The following GABRG3 variants were observed in gnomAD, a reference collection of about 807,000 sequenced individuals.
GABRG3 encodes gamma-aminobutyric acid type A receptor subunit gamma3.
A neutral mutation model predicts 48.8 loss-of-function variants in GABRG3; 25 were observed. That is an observed-to-expected ratio of 0.51 (90% CI 0.37 to 0.72). GABRG3 has a LOEUF of 0.72. Ranked by LOEUF, GABRG3 falls within the 30% of genes least tolerant of loss-of-function variation. GABRG3 has a pLI of 0.00. For synonymous variants in GABRG3, 227 were observed against 217.6 expected, an observed-to-expected ratio of 1.04 and a Z score of -0.38; for missense variants, 394 against 577.9, an observed-to-expected ratio of 0.68 and a Z score of 3.26.
intron 5 of GABRG3, among the ~76,000 whole-genome samples, chr15:27,339,761 G>A (rs1312976974): frequency 6.6e-6 from 1 of 152,204 alleles, no homozygotes; most frequent in African/African-American, 2.4e-5. Context: ...CTTTAGTGAC[G>A]TAATTTGTTC....
intron 5 of GABRG3, among the ~76,000 whole-genome samples, chr15:27,388,338 AGGT>A (rs1262057060): frequency 7.0e-5 from 3 of 42,664 alleles, no homozygotes; most frequent in African/African-American, 2.2e-4. Context: ...AAGGAAGGAA[AGGT>A]GGGAGGGAGG....
chr15:27,218,246 T>A (rs1236502469), intron 3 of GABRG3, among the ~76,000 whole-genome samples: 2 of 152,124 alleles, frequency 1.3e-5, no homozygotes, highest in African/African-American at 4.8e-5. Context: ...CTGTCCAGCC[T>A]CAGCCTCCCA....
chr15:27,305,664 T>A (rs1281024076), intron 3 of GABRG3, among the ~76,000 whole-genome samples: 2 of 120,474 alleles, frequency 1.7e-5, no homozygotes, highest in Non-Finnish European at 3.4e-5. Context: ...ACATATATAA[T>A]ATAAACCTAT....
intron 3 of GABRG3, among the ~76,000 whole-genome samples, chr15:27,209,901 TTCCTC>T (rs1889017436): frequency 6.6e-6 from 1 of 152,180 alleles, no homozygotes; most frequent in African/African-American, 2.4e-5. Flanking sequence ...CACACGGTCT[TTCCTC>T]TGCACGTGCA....
rs117897252 is a variant in GABRG3 at position 27,435,385 on chromosome 15, T to C, written c.575-45265T>C. On this transcript the variant is annotated intron_variant, in intron 5 of 9. Transcript: ENST00000615808. ...CTCTTGCAACTACTGAACTCTGCCA[T>C]TGTAGTGTATGTGTAAATAAATAAA... Among the ~76,000 whole-genome samples the C allele has an allele frequency of 2.0e-4, 31 of 152,166 alleles. No homozygotes were observed. In the East Asian group the frequency reaches 5.4e-3, roughly 27 times the overall value.
chr15:27,237,587 G>A (rs1890013145), intron 3 of GABRG3, among the ~76,000 whole-genome samples: 1 of 152,210 alleles, frequency 6.6e-6, no homozygotes, highest in South Asian at 2.1e-4. Flanking sequence ...GTTAGGAAAG[G>A]TGACCACGGC....
At chr15:27,231,068 A>G (rs1889782790) in intron 3 of GABRG3, among the ~76,000 whole-genome samples, 1 of 151,766 alleles carries the variant, frequency 6.6e-6, no homozygotes, top group East Asian at 1.9e-4. Flanking sequence ...CTAATATTAA[A>G]GGAAATTCAA....
intron 6 of GABRG3, among the ~76,000 whole-genome samples, chr15:27,492,589 T>A (rs568516319): frequency 6.6e-6 from 1 of 152,370 alleles, no homozygotes; most frequent in Non-Finnish European, 1.5e-5. Context: ...GAGGCCCCAG[T>A]GTATTCCAGG....
At chr15:27,489,237 C>T (rs1032580555) in intron 6 of GABRG3, among the ~76,000 whole-genome samples, 1 of 152,172 alleles carries the variant, frequency 6.6e-6, no homozygotes, top group Non-Finnish European at 1.5e-5. Context: ...CATAGTATTC[C>T]ATGGTGTATA....
chr15:27,397,817 T>G (rs2140583488), intron 5 of GABRG3, among the ~76,000 whole-genome samples: 1 of 151,296 alleles, frequency 6.6e-6, no homozygotes, highest in Admixed American at 6.6e-5. Context: ...TTTTTTTTTT[T>G]TTTTTGAGAC....
intron 3 of GABRG3, among the ~76,000 whole-genome samples, chr15:27,187,436 G>A (rs192005225): frequency 1.3e-5 from 2 of 152,192 alleles, no homozygotes; most frequent in African/African-American, 4.8e-5. Flanking sequence ...ATCTAATTCT[G>A]TGAAGAAAAT....
intron 3 of GABRG3, among the ~76,000 whole-genome samples, chr15:27,290,915 G>A (rs907733157): frequency 2.6e-5 from 4 of 151,890 alleles, no homozygotes; most frequent in Admixed American, 2.6e-4. Context: ...AAGTAGGTGT[G>A]GAATATTTAA....
chr15:27,017,516 C>G (rs1419690474), intron 2 of GABRG3, among the ~76,000 whole-genome samples: 2 of 152,204 alleles, frequency 1.3e-5, no homozygotes, highest in East Asian at 1.9e-4. Flanking sequence ...CTCTGTTCCT[C>G]TAAGCACTTA....
At chr15:27,028,352 A>G (rs1190343532) in intron 3 of GABRG3, among the ~76,000 whole-genome samples, 4 of 152,098 alleles carry the variant, frequency 2.6e-5, no homozygotes, top group Admixed American at 1.3e-4. Flanking sequence ...GTGTGGAGAG[A>G]TGCCTGGAGG....
At chr15:27,411,978 T>A (rs1482179809) in intron 5 of GABRG3, among the ~76,000 whole-genome samples, 1 of 152,114 alleles carries the variant, frequency 6.6e-6, no homozygotes, top group African/African-American at 2.4e-5. Flanking sequence ...TAGGTTTAAT[T>A]TTGCATTTTT....
chr15:27,357,646 G>A (rs1375966273), intron 5 of GABRG3, among the ~76,000 whole-genome samples: 6 of 152,158 alleles, frequency 3.9e-5, no homozygotes, highest in Non-Finnish European at 7.4e-5. Flanking sequence ...TATCTTTAAT[G>A]TCTGGCTCAA....
chr15:27,268,851 C>A (rs890930927), intron 3 of GABRG3, among the ~76,000 whole-genome samples: 1 of 152,164 alleles, frequency 6.6e-6, no homozygotes. Flanking sequence ...TTGGCTTCCC[C>A]CTGGGTGTTC....
chr15:27,494,253 A>G lies in GABRG3; in HGVS notation c.712+13466A>G, dbSNP rs114508976. 4.6e-3 allele frequency among the ~76,000 whole-genome samples: 707 copies of G among 152,202 alleles called. 8 individuals are homozygous for G. The highest frequency in any genetic ancestry group is 0.016 in the African/African-American group (678 of 41,560). ...TATTGTTAATATTATTAACAATACA[A>G]CATTAATATCAATTCAATATTAATA... is the stretch of plus-strand genomic sequence containing the variant. On this transcript the variant is annotated intron_variant, in intron 6 of 9. Coordinates refer to ENST00000615808, the MANE Select transcript of GABRG3 (RefSeq NM_033223.5).
chr15:27,315,156 T>G (rs938874659), intron 3 of GABRG3, among the ~76,000 whole-genome samples: 2 of 152,198 alleles, frequency 1.3e-5, no homozygotes, highest in African/African-American at 4.8e-5. Flanking sequence ...CAATAATGTC[T>G]TTTATTTTAA....
Sources: gnomAD v4.1 joint callset for allele counts (sites outside exome capture counted in the v4.1 genomes callset) on GRCh38, gnomAD v4.1.1 for gene constraint, MANE v1.5 for transcripts, NCBI Gene and HGNC (gene_info 2026-07-23, HGNC 2026-07-21) for gene names.